GRM4: variants seen among roughly 807,000 people sequenced by gnomAD.
GRM4 encodes glutamate metabotropic receptor 4.
Under a neutral mutation model 81.7 loss-of-function variants are expected in GRM4, and 28 were observed. That is an observed-to-expected ratio of 0.34 (90% CI 0.25 to 0.47). The LOEUF is 0.47. Ranked by LOEUF, GRM4 falls within the 20% of genes least tolerant of loss-of-function variation. The pLI is 1.00. For missense variants in GRM4, 948 were observed against 1,290.0 expected (o/e 0.73, Z 4.06); for synonymous variants, 488 against 528.8 (o/e 0.92, Z 1.06).
chr6:34,084,589 G>A (rs527672285), intron 3 of GRM4, among the ~76,000 whole-genome samples: 1 of 152,314 alleles, frequency 6.6e-6, no homozygotes, highest in Admixed American at 6.5e-5. Flanking sequence ...GACAAGTGGA[G>A]ATGGTCAGCC....
At position 34,133,070 on chromosome 6, in the gene GRM4, T is replaced by C. The variant is rs747679107; in HGVS notation, c.427A>G (p.Ile143Val). Residue 143 changes from isoleucine to valine, a missense_variant, in exon 2 of 11, where the codon ATC becomes GTC. Physicochemically the swap from Ile to Val is conservative, Grantham distance 29. Transcript: ENST00000538487. The surrounding 1 kb of genome is among the most constrained non-coding windows in gnomAD (Gnocchi z 6.5). ...ACCACACGTTCAGGCTTGGTGATGA[T>C]GGGTGGGCCGCCACTGCCACAGCGG... The part of the protein sequence containing the change: ...EVRCGSGGPP[I>V]ITKPERVVGV... The C allele has an allele frequency of 5.0e-6, 8 of 1,613,610 alleles. No homozygotes were observed. In the South Asian group the frequency reaches 6.6e-5, roughly 13 times the overall value.
chr6:34,026,228 T>C (rs917770728), intron 10 of GRM4, among the ~76,000 whole-genome samples: 1 of 151,980 alleles, frequency 6.6e-6, no homozygotes, highest in African/African-American at 2.4e-5. Context: ...TCCACAGGAG[T>C]GACACCTTCC....
intron 3 of GRM4, among the ~76,000 whole-genome samples, chr6:34,087,600 G>A (rs1767967007): frequency 2.6e-5 from 4 of 151,726 alleles, no homozygotes; most frequent in African/African-American, 9.7e-5. Flanking sequence ...GGGAAGGGCA[G>A]CCTCCTTGCC....
rs931767652 is a variant in GRM4 at position 34,114,166 on chromosome 6, C to T, written c.519+18812G>A. ...CCTGGCCCTGGGCAGGTCCCCTCCACAGCACCTGTCCCCACTCATGTAAGT... is the reference window on the plus strand; with the variant it reads ...CCTGGCCCTGGGCAGGTCCCCTCCATAGCACCTGTCCCCACTCATGTAAGT... On this transcript the variant is annotated intron_variant, in intron 2 of 10. Coordinates refer to ENST00000538487, the MANE Select transcript of GRM4 (RefSeq NM_000841.4). This position sits in a 1 kb window ranked among gnomAD's most constrained non-coding sequence, Gnocchi z 4.3. Among the ~76,000 whole-genome samples, 3 of 152,218 alleles carry T rather than the reference C, an allele frequency of 2.0e-5. No homozygotes were observed. Among genetic ancestry groups the T allele is most frequent in the African/African-American group, 7.2e-5 (3 of 41,452 alleles).
rs893125150 is a variant in GRM4 at position 34,130,053 on chromosome 6, C to T, written c.519+2925G>A. Among the ~76,000 whole-genome samples the T allele has an allele frequency of 1.3e-5, 2 of 152,130 alleles. No individual in the cohort carries two copies. Among genetic ancestry groups the T allele is most frequent in the Admixed American group, 6.5e-5 (1 of 15,280 alleles). ...TTTGAAATGGACACCTGGTGGTGGG[C>T]GCAGGTCCCCTCCCCCAAGGCATCC... On this transcript the variant is annotated intron_variant, in intron 2 of 10. Coordinates refer to ENST00000538487, the MANE Select transcript of GRM4 (RefSeq NM_000841.4). The surrounding 1 kb of genome is among the most constrained non-coding windows in gnomAD (Gnocchi z 4.1).
chr6:34,128,721 C>T (rs935726529), intron 2 of GRM4, among the ~76,000 whole-genome samples: 1 of 152,058 alleles, frequency 6.6e-6, no homozygotes, highest in African/African-American at 2.4e-5. Context: ...GAGGCTGGCA[C>T]CATTATCATC....
rs1229766128 is a variant in GRM4 at position 34,087,468 on chromosome 6, C to T, written c.736+4415G>A. On this transcript the variant is annotated intron_variant, in intron 3 of 10. Coordinates refer to ENST00000538487, the MANE Select transcript of GRM4 (RefSeq NM_000841.4). ...ACATCTGTGCCCACGTCTGTGCCAC[C>T]CGCTTGCCACCGCCTGCCTTTCTCC... Among the ~76,000 whole-genome samples the T allele has an allele frequency of 2.0e-5, 3 of 151,866 alleles. No homozygotes were observed. The South Asian group carries it at 6.2e-4, about 32-fold the overall frequency.
Position 34,132,975 on chromosome 6 carries a change from G to T in GRM4, c.519+3C>A. ...ACCTCAGGGGACCAACCAAGGCACT[G>T]ACCTTGAAGAGGCGAAGGATGTTGG... On this transcript the variant is annotated splice_donor_region_variant and intron_variant, in intron 2 of 10. Transcript: ENST00000538487. 1 of 1,587,864 alleles carries T rather than the reference G, an allele frequency of 6.3e-7. No individual in the cohort carries two copies. The highest frequency in any genetic ancestry group is 1.2e-5 in the South Asian group (1 of 86,572).
intron 1 of GRM4, among the ~76,000 whole-genome samples, chr6:34,144,050 C>A (rs573486194): frequency 1.3e-5 from 2 of 152,210 alleles, no homozygotes; most frequent in Admixed American, 1.3e-4. Flanking sequence ...CGCCAGGGGC[C>A]GGCAATGGTG....
intron 6 of GRM4, among the ~76,000 whole-genome samples, chr6:34,053,411 A>C (rs1025192993): frequency 3.3e-5 from 5 of 152,294 alleles, no homozygotes; most frequent in African/African-American, 1.2e-4. Context: ...AGGTCCCACA[A>C]ACATTCCCAG....
intron 3 of GRM4, among the ~76,000 whole-genome samples, chr6:34,084,227 G>A (rs1325109608): frequency 6.6e-6 from 1 of 152,228 alleles, no homozygotes; most frequent in East Asian, 1.9e-4. Flanking sequence ...AGGAAGCCCA[G>A]GGAAGAGGGC....
intron 6 of GRM4, among the ~76,000 whole-genome samples, chr6:34,046,987 C>T (rs1765392143): frequency 6.6e-6 from 1 of 152,154 alleles, no homozygotes; most frequent in Non-Finnish European, 1.5e-5. Context: ...ATGGACCAAA[C>T]AAACACACAT....
At chr6:34,032,283 G>A (rs118097671) in intron 9 of GRM4, among the ~76,000 whole-genome samples, 1,755 of 152,098 alleles carry the variant, frequency 0.012, 16 homozygotes, top group East Asian at 0.024. Context: ...TACATGCACA[G>A]AAAGGCACAC....
At chr6:34,032,308 A>C (rs1764477696) in intron 9 of GRM4, among the ~76,000 whole-genome samples, 2 of 152,272 alleles carry the variant, frequency 1.3e-5, no homozygotes, top group Admixed American at 1.3e-4. Context: ...GTCTATACAC[A>C]CACACCTCTG....
intron 3 of GRM4, among the ~76,000 whole-genome samples, chr6:34,083,465 G>A (rs1410664495): frequency 6.6e-6 from 1 of 152,206 alleles, no homozygotes; most frequent in Non-Finnish European, 1.5e-5. Context: ...CAGCTGGCGC[G>A]TGGTGGGTCT....
intron 3 of GRM4, among the ~76,000 whole-genome samples, chr6:34,073,244 A>ACACC: frequency 1.7e-3 from 1 of 596 alleles, no homozygotes; most frequent in African/African-American, 3.1e-3. Context: ...CATGCCACAC[A>ACACC]CACACATCAC....
rs1391405282 is a variant in GRM4 at position 34,092,312 on chromosome 6, C to T, written c.520-213G>A. On this transcript the variant is annotated intron_variant, in intron 2 of 10. Transcript: ENST00000538487. This position sits in a 1 kb window ranked among gnomAD's most constrained non-coding sequence, Gnocchi z 6.8. ...GACACCCCAACCACACACAGATACA[C>T]ACACAGGCACACACATACATACACC... Among the ~76,000 whole-genome samples, 1 of 152,194 alleles carries T rather than the reference C, an allele frequency of 6.6e-6. No individual in the cohort carries two copies. The highest frequency in any genetic ancestry group is 1.5e-5 in the Non-Finnish European group (1 of 68,024).
At chr6:34,153,168 G>A (rs1021902925) in intron 1 of GRM4, among the ~76,000 whole-genome samples, 10 of 152,084 alleles carry the variant, frequency 6.6e-5, no homozygotes, top group South Asian at 2.1e-4. Flanking sequence ...AGGGCTCCCC[G>A]ACGCACACAC....
upstream of GRM4, chr6:34,146,173 C>G: frequency 2.0e-6 from 2 of 984,152 alleles, no homozygotes; most frequent in Non-Finnish European, 2.4e-6. Context: ...TGGCGTATGC[C>G]CCCATGTGGC....
Sources: allele counts gnomAD v4.1 joint callset (sites outside exome capture counted in the v4.1 genomes callset), GRCh38; gene constraint gnomAD v4.1.1; non-coding constraint Gnocchi (gnomAD v3.1); transcripts MANE v1.5; gene names NCBI Gene and HGNC (gene_info 2026-07-23, HGNC 2026-07-21).